AFF2: variants seen among roughly 807,000 people sequenced by gnomAD.
AFF2 encodes ALF transcription elongation factor 2.
A neutral mutation model predicts 76.9 loss-of-function variants in AFF2; 14 were observed. The observed-to-expected ratio is 0.18, with a 90% CI of 0.12 to 0.28. The LOEUF is 0.28. Ranked by LOEUF, AFF2 falls within the 10% of genes least tolerant of loss-of-function variation. The probability of loss-of-function intolerance (pLI) is 1.00; values close to 1 mark genes in which losing one functional copy is unlikely to be tolerated. For synonymous variants in AFF2, 398 were observed against 366.7 expected (o/e 1.09, Z -0.98); for missense variants, 868 against 1,001.1 (o/e 0.87, Z 1.79).
chrX:148,583,447 T>A (rs1398535512), intron 1 of AFF2, among the ~76,000 whole-genome samples: 1 of 110,964 alleles, frequency 9.0e-6, no homozygotes, highest in African/African-American at 3.3e-5. Flanking sequence ...AGATTTTCCA[T>A]ATGCACCCTG....
chrX:148,734,359 CAT>C (rs2055261301), intron 3 of AFF2, among the ~76,000 whole-genome samples: 1 of 111,737 alleles, frequency 8.9e-6, no homozygotes, highest in African/African-American at 3.3e-5. Flanking sequence ...CACATTATCT[CAT>C]GTGTACCTCC....
At chrX:148,884,616 C>T (rs941604571) in intron 7 of AFF2, among the ~76,000 whole-genome samples, 2 of 112,372 alleles carry the variant, frequency 1.8e-5, no homozygotes, top group East Asian at 5.6e-4. Flanking sequence ...ATCTTTCCTT[C>T]CTTGTCTGCA....
chrX:148,646,050 A>G (rs1427557714), intron 1 of AFF2, among the ~76,000 whole-genome samples: 1 of 112,335 alleles, frequency 8.9e-6, no homozygotes, highest in African/African-American at 3.2e-5. Flanking sequence ...CACATGTTGC[A>G]TAATTCCATG....
intron 8 of AFF2, among the ~76,000 whole-genome samples, chrX:148,903,713 T>C (rs1346132098): frequency 8.9e-6 from 1 of 111,840 alleles, no homozygotes; most frequent in East Asian, 2.8e-4. Flanking sequence ...TAAAAATGAT[T>C]TTAGAAAGGG....
chrX:148,507,402 A>C (rs1426554835), intron 1 of AFF2, among the ~76,000 whole-genome samples: 1 of 112,455 alleles, frequency 8.9e-6, no homozygotes, highest in East Asian at 2.8e-4. Context: ...AATATCTTTT[A>C]AGGTACAGCA....
In AFF2 at chrX:148,835,673, C is replaced by T. The variant is rs1288253107; in HGVS notation, c.1087-1974C>T. On this transcript the variant is annotated intron_variant, in intron 4 of 20. Transcript: ENST00000370460. ...CTAATTTTTGTATTTTTAGTAGAGACGGGGTTTCACTATGTTGGCCAGGAT... is the reference window on the plus strand; with the variant it reads ...CTAATTTTTGTATTTTTAGTAGAGATGGGGTTTCACTATGTTGGCCAGGAT... Among the ~76,000 whole-genome samples the T allele has an allele frequency of 7.3e-5, 8 of 108,911 alleles. 1 individual carries two copies. Among genetic ancestry groups the T allele is most frequent in the Admixed American group, 3.9e-4 (4 of 10,161 alleles). The allele number at this position is 108,911 out of a possible 115,157, so 94.6% of individuals were successfully genotyped here. A position where few individuals can be genotyped will look rare whatever the true frequency, so the allele number is the denominator to read the frequency against.
At chrX:148,772,521 CT>C (rs1557268181) in intron 3 of AFF2, among the ~76,000 whole-genome samples, 1 of 86,928 alleles carries the variant, frequency 1.2e-5, no homozygotes, top group African/African-American at 4.2e-5. Flanking sequence ...TTTTTTCTTT[CT>C]TTTTTTTCTT....
chrX:148,885,948 C>T lies in AFF2; in HGVS notation c.1322C>T (p.Thr441Ile), dbSNP rs1274522724. Residue 441 changes from threonine to isoleucine, a missense_variant, in exon 8 of 21, where the codon ACC (threonine) becomes ATC (isoleucine). Transcript: ENST00000370460. ...SDEDDLEPVK[T>I]LTTQCTATEL... ...GAAGATGACCTTGAGCCTGTGAAGA[C>T]CTTGACCACTCAGTGCACTGCCACT... 5 of 1,208,117 alleles carry T rather than the reference C, an allele frequency of 4.1e-6. No homozygotes were observed. The highest frequency in any genetic ancestry group is 5.6e-6 in the Non-Finnish European group (5 of 894,022).
chrX:148,503,989 G>C (rs2052380252), intron 1 of AFF2, among the ~76,000 whole-genome samples: 1 of 111,815 alleles, frequency 8.9e-6, no homozygotes, highest in South Asian at 3.7e-4. Context: ...ATGTCTGTCT[G>C]TGTGCATGAA....
At chrX:148,669,988 G>A (rs782108512) in intron 3 of AFF2, among the ~76,000 whole-genome samples, 1 of 111,336 alleles carries the variant, frequency 9.0e-6, no homozygotes, top group African/African-American at 3.3e-5. Flanking sequence ...GTTGCATTTT[G>A]TTTATGCTTT....
intron 13 of AFF2, among the ~76,000 whole-genome samples, chrX:148,965,715 G>A (rs1172471788): frequency 3.6e-5 from 4 of 112,401 alleles, no homozygotes; most frequent in African/African-American, 1.3e-4. Context: ...GTAGGCTGGA[G>A]CTTTGGAGAT....
chrX:148,738,921 A>C (rs1040840002), intron 3 of AFF2, among the ~76,000 whole-genome samples: 3 of 111,872 alleles, frequency 2.7e-5, no homozygotes, highest in Admixed American at 1.9e-4. Flanking sequence ...ATGTATTTGC[A>C]TGTATTTGAA....
chrX:148,737,085 G>A (rs782209969), intron 3 of AFF2, among the ~76,000 whole-genome samples: 23 of 111,301 alleles, frequency 2.1e-4, no homozygotes, highest in African/African-American at 6.2e-4. Flanking sequence ...TTAGTCTTGC[G>A]TTGGCTGTGC....
chrX:148,546,166 A>C (rs1292846619), intron 1 of AFF2, among the ~76,000 whole-genome samples: 1 of 111,585 alleles, frequency 9.0e-6, no homozygotes, highest in African/African-American at 3.3e-5. Flanking sequence ...TATACCCTCT[A>C]AATCTTGCTG....
chrX:148,971,181 A>C (rs1305652395), intron 15 of AFF2, among the ~76,000 whole-genome samples: 1 of 98,708 alleles, frequency 1.0e-5, no homozygotes, highest in African/African-American at 3.8e-5. Context: ...TAGGTGGTTA[A>C]CTGGAATATA....
intron 3 of AFF2, among the ~76,000 whole-genome samples, chrX:148,707,493 A>G (rs782333102): frequency 3.6e-5 from 4 of 110,175 alleles, no homozygotes; most frequent in Non-Finnish European, 7.6e-5. Flanking sequence ...AATAATATAT[A>G]TATTTTTTTT....
intron 4 of AFF2, among the ~76,000 whole-genome samples, chrX:148,811,949 C>CT (rs1368435302): frequency 2.7e-5 from 3 of 109,416 alleles, no homozygotes; most frequent in Admixed American, 9.7e-5. Context: ...AGAAATGTCT[C>CT]TTTTTTTTGA....
chrX:148,506,386 C>T (rs1557232527), intron 1 of AFF2, among the ~76,000 whole-genome samples: 2 of 111,381 alleles, frequency 1.8e-5, no homozygotes, highest in Middle Eastern at 4.6e-3. Context: ...TTTATTTAGC[C>T]GTCACTGAAA....
intron 9 of AFF2, among the ~76,000 whole-genome samples, chrX:148,937,069 G>A (rs1297856373): frequency 8.9e-6 from 1 of 111,870 alleles, no homozygotes; most frequent in Non-Finnish European, 1.9e-5. Context: ...CTATGGGATA[G>A]GAGAGGAGAC....
Sources: allele counts gnomAD v4.1 joint callset (sites outside exome capture counted in the v4.1 genomes callset), GRCh38; gene constraint gnomAD v4.1.1; transcripts MANE v1.5; gene names NCBI Gene and HGNC (gene_info 2026-07-23, HGNC 2026-07-21).